The following VPS13B variants were observed in gnomAD, a reference collection of about 807,000 sequenced individuals.
VPS13B encodes vacuolar protein sorting 13 homolog B, also known as intermembrane lipid transfer protein VPS13B.
In VPS13B, 285 loss-of-function variants were observed where a neutral mutation model predicts 426.4. The observed-to-expected ratio is 0.67, with a 90% CI of 0.61 to 0.74. The LOEUF (loss-of-function observed/expected upper bound fraction) is 0.74. VPS13B is among the 30% of genes least tolerant of loss of function. VPS13B has a pLI of 0.00. For missense variants in VPS13B, 4,537 were observed against 4,782.6 expected, an observed-to-expected ratio of 0.95 and a Z score of 1.51; for synonymous variants, 1,676 against 1,676.4, an observed-to-expected ratio of 1.00 and a Z score of 0.01.
At chr8:99,458,790 T>G (rs1818666273) in intron 23 of VPS13B, among the ~76,000 whole-genome samples, 1 of 152,224 alleles carries the variant, frequency 6.6e-6, no homozygotes, top group African/African-American at 2.4e-5. Context: ...TGTAAATTTG[T>G]TTGAGTTCAT....
intron 34 of VPS13B, among the ~76,000 whole-genome samples, chr8:99,650,990 G>T (rs1011319479): frequency 2.6e-5 from 4 of 152,014 alleles, no homozygotes; most frequent in Admixed American, 2.6e-4. Flanking sequence ...TTCTCGAGAT[G>T]ATTTAAAGTA....
At chr8:99,046,354 G>T (rs1843240648) in intron 3 of VPS13B, among the ~76,000 whole-genome samples, 1 of 151,756 alleles carries the variant, frequency 6.6e-6, no homozygotes, top group Admixed American at 6.6e-5. Context: ...GGTTGCTGTT[G>T]GTATATAGAA....
chr8:99,866,149 C>T (rs1241183255), intron 58 of VPS13B, among the ~76,000 whole-genome samples: 1 of 152,250 alleles, frequency 6.6e-6, no homozygotes, highest in South Asian at 2.1e-4. Flanking sequence ...GGCCAGCAGA[C>T]AAGTCTTGGG....
intron 3 of VPS13B, among the ~76,000 whole-genome samples, chr8:99,056,757 G>A (rs1275226890): frequency 3.9e-5 from 6 of 152,110 alleles, no homozygotes; most frequent in Non-Finnish European, 8.8e-5. Flanking sequence ...CTTAGTTTTG[G>A]TTGTTTAATG....
chr8:99,061,435 G>A (rs1045119985), intron 3 of VPS13B, among the ~76,000 whole-genome samples: 1 of 151,632 alleles, frequency 6.6e-6, no homozygotes, highest in Non-Finnish European at 1.5e-5. Flanking sequence ...TTATAGTGGG[G>A]TCTTACTAGT....
chr8:99,336,625 C>T (rs147900324), intron 19 of VPS13B, among the ~76,000 whole-genome samples: 8,130 of 152,186 alleles, frequency 0.053, 249 homozygotes, highest in Non-Finnish European at 0.066. Context: ...TGACAAAGGG[C>T]TGATATCCAG....
Position 99,136,705 on chromosome 8 carries a change from C to A in VPS13B, c.1604C>A (p.Ala535Asp), listed in dbSNP as rs1352361719. The A allele has an allele frequency of 6.2e-7, 1 of 1,613,450 alleles. No individual in the cohort carries two copies. The highest frequency in any genetic ancestry group is 8.5e-7 in the Non-Finnish European group (1 of 1,179,670). The stretch of plus-strand genomic sequence containing the variant: ...ATAGCTGGAATGCAACGGTTTGGGG[C>A]TTTTTATATGGATTACCTGTATACA... ...TEIAGMQRFGAFYMDYLYTME... is the reference protein window; with the variant it reads ...TEIAGMQRFGDFYMDYLYTME... The change falls in exon 12 of 62, where the codon GCT (alanine) becomes GAT (aspartate). Residue 535 changes from alanine to aspartate, a missense_variant. Ala to Asp is a moderately radical substitution (Grantham distance 126, BLOSUM62 -2). Around this residue, in one of 2 missense-constraint regions of VPS13B, gnomAD observed 4,311 missense variants for 4,474.3 expected, o/e 0.96. Transcript: ENST00000357162.
chr8:99,359,418 T>G (rs1293944744), intron 19 of VPS13B, among the ~76,000 whole-genome samples: 1 of 152,152 alleles, frequency 6.6e-6, no homozygotes, highest in East Asian at 1.9e-4. Flanking sequence ...TTTATGTAAT[T>G]TCTAATAAAT....
At chr8:99,171,074 T>G (rs143564348) in intron 16 of VPS13B, among the ~76,000 whole-genome samples, 1 of 151,834 alleles carries the variant, frequency 6.6e-6, no homozygotes, top group African/African-American at 2.4e-5. Flanking sequence ...AAACTTTGCC[T>G]GCTGATACAG....
chr8:99,314,726 T>A (rs1181162858), intron 19 of VPS13B, among the ~76,000 whole-genome samples: 1 of 152,206 alleles, frequency 6.6e-6, no homozygotes, highest in African/African-American at 2.4e-5. Flanking sequence ...ACTGGGATTA[T>A]GAGCGAGAAC....
chr8:99,811,180 C>T (rs1328117474), intron 44 of VPS13B, among the ~76,000 whole-genome samples: 2 of 152,286 alleles, frequency 1.3e-5, no homozygotes, highest in Middle Eastern at 3.4e-3. Context: ...TTCCCTCACA[C>T]AGCAGCCCTT....
At chr8:99,700,978 CA>C (rs1563871346) in intron 36 of VPS13B, among the ~76,000 whole-genome samples, 1 of 152,010 alleles carries the variant, frequency 6.6e-6, no homozygotes, top group African/African-American at 2.4e-5. Flanking sequence ...AGTTGCTTAT[CA>C]AAAAGTAATT....
rs75904081 is a variant in VPS13B, at chr8:99,823,988, T to A, written c.9330+10T>A. The A allele has an allele frequency of 0.023, 37,679 of 1,610,672 alleles. 525 individuals are homozygous for A. The highest frequency in any genetic ancestry group is 0.029 in the Non-Finnish European group (34,725 of 1,179,490). On this transcript the variant is annotated intron_variant, in intron 51 of 61. Coordinates refer to ENST00000357162, the MANE Select transcript of VPS13B (RefSeq NM_152564.5). ...CCATTCTGGAAAGGAGGTAAGCAAATCATAACGATTCTTTTGTCTAAGTTT... is the reference window on the plus strand; with the variant it reads ...CCATTCTGGAAAGGAGGTAAGCAAAACATAACGATTCTTTTGTCTAAGTTT...
At chr8:99,156,066 T>C (rs550231631) in intron 14 of VPS13B, among the ~76,000 whole-genome samples, 3 of 152,344 alleles carry the variant, frequency 2.0e-5, no homozygotes, top group Admixed American at 2.0e-4. Flanking sequence ...GTAGATACGA[T>C]ACAGATAAGG....
chr8:99,024,970 G>C (rs1377477816), intron 2 of VPS13B, among the ~76,000 whole-genome samples: 2 of 151,994 alleles, frequency 1.3e-5, no homozygotes, highest in Non-Finnish European at 2.9e-5. Flanking sequence ...TCTTTCACCA[G>C]TGTCCTGTCA....
intron 42 of VPS13B, among the ~76,000 whole-genome samples, chr8:99,783,067 A>G (rs1812094299): frequency 6.6e-6 from 1 of 152,150 alleles, no homozygotes. Flanking sequence ...CTTCAAGGGC[A>G]TTCTGGATGA....
chr8:99,134,939 G>A, intron 9 of VPS13B, 76 bp from the exon 10 acceptor site: 3 of 1,555,906 alleles, frequency 1.9e-6, no homozygotes, highest in African/African-American at 1.4e-5. Flanking sequence ...AACTAATTTA[G>A]AGATTCTACA....
At chr8:99,142,108 T>A (rs1033910022) in intron 12 of VPS13B, among the ~76,000 whole-genome samples, 2 of 152,120 alleles carry the variant, frequency 1.3e-5, no homozygotes, top group Non-Finnish European at 2.9e-5. Context: ...GTTCATATGA[T>A]GAAGACTAAA....
chr8:99,403,961 A>C (rs1815190991), intron 21 of VPS13B, among the ~76,000 whole-genome samples: 1 of 152,222 alleles, frequency 6.6e-6, no homozygotes, highest in Non-Finnish European at 1.5e-5. Flanking sequence ...AGACTTTACA[A>C]CAGGCTTTGT....
Sources: gnomAD v4.1 joint callset for allele counts (sites outside exome capture counted in the v4.1 genomes callset) on GRCh38, gnomAD v4.1.1 for gene constraint, gnomAD v4.1.1 regional missense constraint, MANE v1.5 for transcripts, NCBI Gene and HGNC (gene_info 2026-07-23, HGNC 2026-07-21) for gene names.